KCTD17: variants seen among roughly 807,000 people sequenced by gnomAD.
KCTD17 encodes potassium channel tetramerization domain containing 17.
KCTD17 carries 20 observed loss-of-function variants against 41.5 expected under a neutral mutation model. The ratio of observed to expected loss-of-function variants is 0.48; its 90% confidence interval spans 0.34 to 0.70. The LOEUF is 0.70. Among genes scored for constraint, KCTD17 ranks in the 30% least tolerant of loss-of-function variants. KCTD17 has a pLI of 0.01. For missense variants in KCTD17, 317 were observed against 427.2 expected, an observed-to-expected ratio of 0.74 and a Z score of 2.27; for synonymous variants, 156 against 173.8, an observed-to-expected ratio of 0.90 and a Z score of 0.80.
rs17852877 is a variant in KCTD17 at position 37,051,890 on chromosome 22, C to G, written c.130C>G (p.Arg44Gly). 6.0e-6 allele frequency: 9 copies of G among 1,502,990 alleles called. No individual in the cohort carries two copies. The highest frequency in any genetic ancestry group is 7.1e-6 in the Non-Finnish European group (8 of 1,126,668). The allele number at this position is 1,502,990 out of a possible 1,614,324, so 93.1% of individuals were successfully genotyped here. A position where few individuals can be genotyped will look rare whatever the true frequency, so the allele number is the denominator to read the frequency against. Reference protein sequence around the residue: ...VFLTTRQTLCREQKSFLSRLC... With the variant: ...VFLTTRQTLCGEQKSFLSRLC... ...CCTGACCACCCGGCAGACGCTGTGC[C>G]GCGAGCAGAAGTCCTTCCTCAGCCG... The change falls in exon 1 of 9, where the codon CGC (arginine) becomes GGC (glycine). Residue 44 changes from arginine (R) to glycine (G), a missense_variant. This residue lies in a region of KCTD17 where 99 missense variants were observed against 166.5 expected (regional missense o/e 0.59). Transcript: ENST00000403888.
chr22:37,056,727 C>T (rs181524900), intron 3 of KCTD17, among the ~76,000 whole-genome samples: 4 of 152,292 alleles, frequency 2.6e-5, no homozygotes, highest in African/African-American at 9.6e-5. Flanking sequence ...CCATCCCTTC[C>T]TCATAGGCAG....
At chr22:37,062,445 C>A in intron 8 of KCTD17, 80 bp from the exon 9 acceptor site, 1 of 1,533,410 alleles carries the variant, frequency 6.5e-7, no homozygotes, top group South Asian at 1.2e-5. Flanking sequence ...TCTCCGCCCC[C>A]TTGCCCTGCA....
intron 1 of KCTD17, 165 bp downstream of exon 1, chr22:37,052,114 C>A: frequency 6.8e-6 from 6 of 878,156 alleles, no homozygotes; most frequent in Non-Finnish European, 9.3e-6. Flanking sequence ...GGAGGTGGGT[C>A]TGGTAGTGAG....
In KCTD17 at chr22:37,053,341, G is replaced by A. The variant is rs1220328950; in HGVS notation, c.298+133G>A. The A allele has an allele frequency of 1.6e-5, 11 of 701,224 alleles. No individual in the cohort carries two copies. The highest frequency in any genetic ancestry group is 3.7e-4 in the Middle Eastern group (1 of 2,718). 43.4% of individuals were successfully genotyped at this position (701,224 alleles called of 1,614,324 possible). On this transcript the variant is annotated intron_variant, in intron 2 of 8. Coordinates refer to ENST00000403888, the MANE Select transcript of KCTD17 (RefSeq NM_001282684.2). This position sits in a 1 kb window ranked among gnomAD's most constrained non-coding sequence, Gnocchi z 4.1. ...GTTTCCTGCCTCTTCCCAGTCGGAC[G>A]GGGCTGATTCCCAAGCATCTGCCTG...
At chr22:37,057,155 G>T (rs1291905270) in intron 3 of KCTD17, among the ~76,000 whole-genome samples, 1 of 152,212 alleles carries the variant, frequency 6.6e-6, no homozygotes, top group Non-Finnish European at 1.5e-5. Context: ...ACCTCTCTGA[G>T]CCTCAATGGA....
intron 4 of KCTD17, among the ~76,000 whole-genome samples, 195 bp downstream of exon 4, chr22:37,057,688 G>C (rs989038383): frequency 2.0e-5 from 3 of 152,232 alleles, no homozygotes; most frequent in Admixed American, 2.0e-4. Flanking sequence ...CCGAGAGAGA[G>C]GATAGGAGCC....
intron 4 of KCTD17, among the ~76,000 whole-genome samples, chr22:37,058,381 C>T (rs577877181): frequency 6.6e-6 from 1 of 152,236 alleles, no homozygotes; most frequent in Non-Finnish European, 1.5e-5. Flanking sequence ...GACCCAGTTC[C>T]CTCATCGGTG....
At chr22:37,057,537 C>T (rs1005459364) in intron 4 of KCTD17, 44 bp downstream of exon 4, 16 of 1,510,488 alleles carry the variant, frequency 1.1e-5, no homozygotes, top group Admixed American at 1.7e-5. Context: ...ACCCTGGGAC[C>T]TCCTAGCCTC....
intron 5 of KCTD17, among the ~76,000 whole-genome samples, chr22:37,059,669 T>G (rs1925550921): frequency 6.6e-6 from 1 of 152,168 alleles, no homozygotes; most frequent in Non-Finnish European, 1.5e-5. Context: ...CGGCGTGGAC[T>G]CAGAGGCTAC....
chr22:37,059,161 A>G (rs1314791128), intron 4 of KCTD17, among the ~76,000 whole-genome samples, 152 bp from the exon 5 acceptor site: 1 of 152,142 alleles, frequency 6.6e-6, no homozygotes, highest in Non-Finnish European at 1.5e-5. Flanking sequence ...TCCTGCCCAG[A>G]GGTGCCCTCT....
chr22:37,055,544 C>T (rs981588355), intron 2 of KCTD17, among the ~76,000 whole-genome samples: 3 of 152,214 alleles, frequency 2.0e-5, no homozygotes, highest in Non-Finnish European at 4.4e-5. Flanking sequence ...CCCCTGCCTT[C>T]TGGGAGCCTA....
chr22:37,053,079 G>T lies in KCTD17; in HGVS notation c.190-21G>T. ...GGAGAAGCCTCACTCTTCTCTCACC[G>T]AGCATCCCTCACCTCCATAGGATGA... On this transcript the variant is annotated intron_variant, in intron 1 of 8. Transcript: ENST00000403888. This position sits in a 1 kb window ranked among gnomAD's most constrained non-coding sequence, Gnocchi z 4.1. 1 of 1,551,012 alleles carries T rather than the reference G, an allele frequency of 6.4e-7. No individual in the cohort carries two copies. The highest frequency in any genetic ancestry group is 8.8e-7 in the Non-Finnish European group (1 of 1,141,884).
At chr22:37,062,292 G>GT (rs891216078) in intron 8 of KCTD17, 2 of 985,050 alleles carry the variant, frequency 2.0e-6, no homozygotes, top group African/African-American at 3.5e-5. Context: ...TCCTGGATGG[G>GT]TTAGTTGGGG....
chr22:37,061,773 T>C lies in KCTD17; in HGVS notation c.875+144T>C. 1 of 1,434,040 alleles carries C rather than the reference T, an allele frequency of 7.0e-7. No homozygotes were observed. The highest frequency in any genetic ancestry group is 9.2e-7 in the Non-Finnish European group (1 of 1,089,768). The allele number at this position is 1,434,040 out of a possible 1,614,324, so 88.8% of individuals were successfully genotyped here. On this transcript the variant is annotated intron_variant, in intron 8 of 8. Coordinates refer to ENST00000403888, the MANE Select transcript of KCTD17 (RefSeq NM_001282684.2). This position sits in a 1 kb window ranked among gnomAD's most constrained non-coding sequence, Gnocchi z 6.6. ...GACCTTGGCCTTGGGGGTGAGGCTC[T>C]GAGAGGAGAAGAAAGTTAGGGAGTG...
Position 37,053,570 on chromosome 22 carries a change from C to T in KCTD17, c.298+362C>T, listed in dbSNP as rs1601482717. On this transcript the variant is annotated intron_variant, in intron 2 of 8. Transcript: ENST00000403888. The surrounding 1 kb of genome is among the most constrained non-coding windows in gnomAD (Gnocchi z 4.1). Reference sequence around the variant, plus strand: ...TCCGGAGGCTGGGGTGACAGGAATGCAGTGTTGACAGGCATGGGGAGAGCT... The same window carrying T: ...TCCGGAGGCTGGGGTGACAGGAATGTAGTGTTGACAGGCATGGGGAGAGCT... Among the ~76,000 whole-genome samples, 1 of 152,304 alleles carries T rather than the reference C, an allele frequency of 6.6e-6. No individual in the cohort carries two copies. Among genetic ancestry groups the T allele is most frequent in the East Asian group, 1.9e-4 (1 of 5,186 alleles).
chr22:37,056,450 C>T, intron 3 of KCTD17, 39 bp downstream of exon 3: 3 of 1,528,240 alleles, frequency 2.0e-6, no homozygotes, highest in Non-Finnish European at 2.7e-6. Context: ...AGGGCAGGGG[C>T]CAGTGGGGAG....
rs562494938 is a variant in KCTD17, at chr22:37,056,217, C to T, written c.299-103C>T. ...ACAGACACTCAGCTCACCCTCAGGG[C>T]GGGTGATCAGAGCGAGAGGTGGGTT... On this transcript the variant is annotated intron_variant, in intron 2 of 8. Coordinates refer to ENST00000403888, the MANE Select transcript of KCTD17 (RefSeq NM_001282684.2). 401 of 862,712 alleles carry T rather than the reference C, an allele frequency of 4.6e-4. 1 individual carries two copies. The African/African-American group carries it at 5.8e-3, about 13-fold the overall frequency. The allele number at this position is 862,712 out of a possible 1,614,324, so 53.4% of individuals were successfully genotyped here. A position where few individuals can be genotyped will look rare whatever the true frequency, so the allele number is the denominator to read the frequency against.
At chr22:37,058,696 C>T (rs903749241) in intron 4 of KCTD17, among the ~76,000 whole-genome samples, 3 of 152,156 alleles carry the variant, frequency 2.0e-5, no homozygotes, top group African/African-American at 7.2e-5. Context: ...GCTCTGTGGG[C>T]GTGGTTATTC....
At position 37,053,014 on chromosome 22, in the gene KCTD17, C is replaced by T; in HGVS notation, c.190-86C>T. 9.2e-7 allele frequency: 1 copy of T among 1,082,370 alleles called. No homozygotes were observed. Among genetic ancestry groups the T allele is most frequent in the Non-Finnish European group, 1.4e-6 (1 of 729,584 alleles). The allele number at this position is 1,082,370 out of a possible 1,614,324, so 67.0% of individuals were successfully genotyped here. A position where few individuals can be genotyped will look rare whatever the true frequency, so the allele number is the denominator to read the frequency against. ...TCCATCCAGGGAAGAGCTCTCCCTC[C>T]ACTCTCCTTCCCTCCCTGTGCGTGT... On this transcript the variant is annotated intron_variant, in intron 1 of 8. Transcript: ENST00000403888. This position sits in a 1 kb window ranked among gnomAD's most constrained non-coding sequence, Gnocchi z 4.1.
Sources: allele counts gnomAD v4.1 joint callset (sites outside exome capture counted in the v4.1 genomes callset), GRCh38; gene constraint gnomAD v4.1.1; regional missense constraint gnomAD v4.1.1; non-coding constraint Gnocchi (gnomAD v3.1); transcripts MANE v1.5; gene names NCBI Gene and HGNC (gene_info 2026-07-23, HGNC 2026-07-21).